Variants in RGPD3 observed in about 807,000 individuals in gnomAD.
RGPD3 encodes the protein RANBP2 like and GRIP domain containing 3.
A neutral mutation model predicts 154.5 loss-of-function variants in RGPD3; 62 were observed. That is an observed-to-expected ratio of 0.40 (90% confidence interval 0.33 to 0.50). The LOEUF (loss-of-function observed/expected upper bound fraction) is 0.50. Among genes scored for constraint, RGPD3 ranks in the 20% least tolerant of loss-of-function variants. RGPD3 has a pLI of 0.59. For synonymous variants in RGPD3, 308 were observed against 607.0 expected (o/e 0.51, Z 7.24); for missense variants, 919 against 1,716.8 (o/e 0.54, Z 8.21).
At chr2:106,410,830 G>A (rs1041646286) in intron 22 of RGPD3, among the ~76,000 whole-genome samples, 8 of 151,904 alleles carry the variant, frequency 5.3e-5, no homozygotes, top group South Asian at 2.1e-4. Context: ...AAATATACAT[G>A]ATGTATTCTT....
chr2:106,412,724 G>T (rs1228417772), intron 22 of RGPD3: 1 of 467,792 alleles, frequency 2.1e-6, no homozygotes, highest in Non-Finnish European at 4.2e-6. Flanking sequence ...GAAGGAAGAG[G>T]GGTGAAGTAG....
chr2:106,431,205 G>A (rs2104469094), intron 17 of RGPD3, among the ~76,000 whole-genome samples: 1 of 77,778 alleles, frequency 1.3e-5, no homozygotes, highest in Middle Eastern at 4.3e-3. Flanking sequence ...CAATTTTCAA[G>A]CTAAATAAAA....
chr2:106,412,293 GTTTTTTTTTTTTTTTTTTTT>G (rs772813472), intron 22 of RGPD3, among the ~76,000 whole-genome samples: 14 of 45,012 alleles, frequency 3.1e-4, no homozygotes, highest in African/African-American at 9.7e-4. Context: ...CTACATCATA[GTTTTTTTTTTTTTTTTTTTT>G]TTTTTTTTTT....
At chr2:106,421,931 T>C (rs540894618) in intron 20 of RGPD3, among the ~76,000 whole-genome samples, 56 of 151,358 alleles carry the variant, frequency 3.7e-4, no homozygotes, top group Admixed American at 3.7e-3. Flanking sequence ...CAAAAGGTAC[T>C]TTGCTTAAAC....
At chr2:106,408,896 G>T (rs1415124845) in intron 22 of RGPD3, among the ~76,000 whole-genome samples, 1 of 151,338 alleles carries the variant, frequency 6.6e-6, no homozygotes, top group Admixed American at 6.6e-5. Context: ...ATGTTGCCCA[G>T]GCTGATTCTG....
At chr2:106,464,549 A>T (rs368003176) in intron 1 of RGPD3, among the ~76,000 whole-genome samples, 1 of 150,356 alleles carries the variant, frequency 6.7e-6, no homozygotes, top group Non-Finnish European at 1.5e-5. Context: ...AAATTTGATG[A>T]GCAACACAGC....
At chr2:106,465,076 A>G (rs1290813560) in intron 1 of RGPD3, among the ~76,000 whole-genome samples, 1 of 151,726 alleles carries the variant, frequency 6.6e-6, no homozygotes, top group Admixed American at 6.6e-5. Context: ...CTAGAAAGAT[A>G]TGATATACAG....
chr2:106,451,184 T>C (rs1398556537), intron 6 of RGPD3, among the ~76,000 whole-genome samples: 1 of 151,280 alleles, frequency 6.6e-6, no homozygotes, highest in African/African-American at 2.4e-5. Flanking sequence ...TAAAAGGAAC[T>C]TGTGACCAAA....
chr2:106,426,676 T>C (rs940406612), intron 18 of RGPD3, among the ~76,000 whole-genome samples: 2 of 152,204 alleles, frequency 1.3e-5, no homozygotes, highest in African/African-American at 4.8e-5. Flanking sequence ...GTTTGGTCTG[T>C]TTTACCAGGA....
At chr2:106,450,024 A>AG (rs1232898364) in intron 6 of RGPD3, among the ~76,000 whole-genome samples, 1 of 148,248 alleles carries the variant, frequency 6.7e-6, no homozygotes, top group Non-Finnish European at 1.5e-5. Context: ...CTCAAAAAAA[A>AG]AAAGATCGAG....
intron 20 of RGPD3, among the ~76,000 whole-genome samples, chr2:106,417,377 T>C (rs202084883): frequency 0.13 from 18,975 of 142,236 alleles, 1,886 homozygotes; most frequent in East Asian, 0.57. Flanking sequence ...AGAAATTTTA[T>C]TGGAGCAGCC....
At position 106,412,763 on chromosome 2, in the gene RGPD3, A is replaced by T. The variant is rs1291768888; in HGVS notation, c.5266+321T>A. The T allele has an allele frequency of 9.8e-6, 5 of 512,254 alleles. No homozygotes were observed. In the East Asian group the frequency reaches 2.0e-4, roughly 21 times the overall value. 31.7% of individuals were successfully genotyped at this position (512,254 alleles called of 1,614,324 possible). On this transcript the variant is annotated intron_variant, in intron 22 of 22. Coordinates refer to ENST00000409886, the MANE Select transcript of RGPD3 (RefSeq NM_001144013.2). ...AGGAACAAGCTAATAAATGTTTTTT[A>T]AAAAGTAGAATTTAAAACAAAACCA...
At chr2:106,469,601 C>T (rs1678760095), upstream of RGPD3, among the ~76,000 whole-genome samples, 1 of 152,232 alleles carries the variant, frequency 6.6e-6, no homozygotes, top group African/African-American at 2.4e-5. Flanking sequence ...CCACTTTTCT[C>T]CAGGCTTCCT....
At chr2:106,466,897 G>GGCT (rs1403009777) in intron 1 of RGPD3, among the ~76,000 whole-genome samples, 2 of 106,460 alleles carry the variant, frequency 1.9e-5, no homozygotes, top group Admixed American at 9.6e-5. Context: ...GCCGGGTCGA[G>GGCT]GCCGCCGCCT....
At chr2:106,407,276 TAA>T (rs1253902049) in intron 22 of RGPD3, among the ~76,000 whole-genome samples, 1 of 152,094 alleles carries the variant, frequency 6.6e-6, no homozygotes, top group Non-Finnish European at 1.5e-5. Flanking sequence ...CAATCTCTTG[TAA>T]TCTATCATTT....
At chr2:106,417,913 A>C in intron 20 of RGPD3, among the ~76,000 whole-genome samples, 1 of 150,268 alleles carries the variant, frequency 6.7e-6, no homozygotes, top group South Asian at 2.1e-4. Context: ...GTGGATCACG[A>C]GGTCAGCAAG....
chr2:106,421,764 G>A (rs1446519941), intron 20 of RGPD3, among the ~76,000 whole-genome samples: 8 of 151,594 alleles, frequency 5.3e-5, no homozygotes, highest in Non-Finnish European at 1.0e-4. Flanking sequence ...GCCACTACAT[G>A]TGAATACTGG....
intron 7 of RGPD3, among the ~76,000 whole-genome samples, chr2:106,443,098 A>G (rs112432169): frequency 1.3e-5 from 2 of 150,540 alleles, no homozygotes; most frequent in Admixed American, 6.7e-5. Flanking sequence ...TAATGAGAAT[A>G]CCCTTTATAT....
At chr2:106,470,933 C>T (rs1678798291), upstream of RGPD3, 7 of 1,559,558 alleles carry the variant, frequency 4.5e-6, 1 homozygote, top group South Asian at 7.2e-5. Context: ...AAACCTTTCC[C>T]ACCTTTAAGC....
Sources: allele counts gnomAD v4.1 joint callset (sites outside exome capture counted in the v4.1 genomes callset), GRCh38; gene constraint gnomAD v4.1.1; transcripts MANE v1.5; gene names NCBI Gene and HGNC (gene_info 2026-07-23, HGNC 2026-07-21).